TAF1: variants seen among roughly 807,000 people sequenced by gnomAD.
TAF1 encodes transcription initiation factor TFIID subunit 1.
A neutral mutation model predicts 138.5 loss-of-function variants in TAF1; 2 were observed. The observed-to-expected ratio is 0.01, with a 90% CI of 0.01 to 0.05. The LOEUF (loss-of-function observed/expected upper bound fraction) is 0.05, where lower values mean the gene tolerates loss of function less well. Ranked by LOEUF, TAF1 falls within the 10% of genes least tolerant of loss-of-function variation. The pLI is 1.00. For missense variants in TAF1, 709 were observed against 1,478.0 expected (o/e 0.48, Z 8.53); for synonymous variants, 437 against 503.2 (o/e 0.87, Z 1.76).
chrX:71,443,993 T>C (rs893818960), intron 32 of TAF1, among the ~76,000 whole-genome samples: 1 of 109,020 alleles, frequency 9.2e-6, no homozygotes, highest in Non-Finnish European at 1.9e-5. Flanking sequence ...TTACAGGCCA[T>C]GACCCACCAC....
intron 14 of TAF1, among the ~76,000 whole-genome samples, chrX:71,385,788 C>T (rs2034180845): frequency 2.7e-5 from 3 of 111,972 alleles, no homozygotes; most frequent in Admixed American, 1.9e-4. Flanking sequence ...TATTGTTCTT[C>T]TCCTTTCCCT....
chrX:71,366,573 G>A, intron 1 of TAF1, 79 bp downstream of exon 1: 2 of 997,909 alleles, frequency 2.0e-6, no homozygotes, highest in South Asian at 4.8e-5. Flanking sequence ...AAAGGAGAGG[G>A]TGCTCAGGCA....
rs1357158328 is a variant in TAF1 at position 71,424,228 on chromosome X, T to G, written c.4743T>G (p.Val1581=). 1.7e-6 allele frequency: 2 copies of G among 1,197,524 alleles called. No homozygotes were observed. Residue 1581 remains valine, a synonymous_variant, in exon 32 of 38, where the codon GTT becomes GTG. Transcript: ENST00000423759. ...TAAACCTTATTCTGGCCAACAGTGT[T>G]AAGTATAATGGTGGGTATTTCTCAT... ...DDVNLILANS[V]KYNGPESQYT... is the part of the protein sequence containing the mutation.
intron 32 of TAF1, among the ~76,000 whole-genome samples, chrX:71,450,158 T>G (rs2037889516): frequency 1.8e-5 from 2 of 111,609 alleles, no homozygotes. Context: ...TTTACATATT[T>G]TAAAGAATAA....
At chrX:71,486,390 G>A (rs2039171808) in intron 13 of TAF1, among the ~76,000 whole-genome samples, 1 of 110,046 alleles carries the variant, frequency 9.1e-6, no homozygotes, top group Non-Finnish European at 1.9e-5. Context: ...ACAGGATCTT[G>A]CTCTGTCACC....
At position 71,486,471 on chromosome X, in the gene TAF1, C is replaced by T. The variant is rs147741306; in HGVS notation, c.1366+25668C>T. Among the ~76,000 whole-genome samples the T allele has an allele frequency of 2.4e-4, 26 of 110,215 alleles. No homozygotes were observed. The East Asian group carries it at 7.4e-3, about 31-fold the overall frequency. ...CTCCTGGGCTCAAGCAATCCTCCCA[C>T]CCCAGTCCCAGTAGCTGGGACTACA... On this transcript the variant is annotated intron_variant and NMD_transcript_variant, in intron 13 of 14. Coordinates refer to the TAF1 transcript ENST00000373775.
intron 35 of TAF1, chrX:71,459,029 C>A: frequency 2.5e-6 from 1 of 396,303 alleles, no homozygotes. Context: ...TAAACAGCCC[C>A]CACTAGCAGT....
intron 13 of TAF1, among the ~76,000 whole-genome samples, chrX:71,501,091 C>G (rs1214332962): frequency 2.7e-5 from 3 of 109,317 alleles, no homozygotes; most frequent in Non-Finnish European, 5.7e-5. Context: ...GATGTTATGC[C>G]CCAAAAATGA....
At chrX:71,522,707 A>C (rs1325727335) in intron 13 of TAF1, among the ~76,000 whole-genome samples, 4 of 38,983 alleles carry the variant, frequency 1.0e-4, no homozygotes, top group Admixed American at 3.5e-4. Flanking sequence ...TGTCCTAGTA[A>C]GGCTTGACAA....
chrX:71,514,121 G>A (rs1158694495), intron 13 of TAF1, among the ~76,000 whole-genome samples: 2 of 111,494 alleles, frequency 1.8e-5, no homozygotes, highest in Non-Finnish European at 3.8e-5. Flanking sequence ...AACACTCACC[G>A]TGAAGGTCCA....
chrX:71,405,439 C>T (rs777442972), intron 25 of TAF1, among the ~76,000 whole-genome samples: 1 of 111,900 alleles, frequency 8.9e-6, no homozygotes, highest in Non-Finnish European at 1.9e-5. Context: ...CAACCTCTGC[C>T]TCCTGGGTTC....
chrX:71,369,190 T>C (rs1385358011), intron 3 of TAF1, among the ~76,000 whole-genome samples: 1 of 110,534 alleles, frequency 9.0e-6, no homozygotes, highest in Non-Finnish European at 1.9e-5. Context: ...AGAGAAGGGG[T>C]TTCACCATGT....
At position 71,503,097 on chromosome X, in the gene TAF1, G is replaced by A. The variant is rs183841496; in HGVS notation, c.1367-25445G>A. On this transcript the variant is annotated intron_variant and NMD_transcript_variant, in intron 13 of 14. Coordinates refer to the TAF1 transcript ENST00000373775. ...ACCAGCCTGGCCAACATGGCGAAAC[G>A]CTGTTTCTACTAAAAATACAAAAAT... Among the ~76,000 whole-genome samples, 543 of 106,746 alleles carry A rather than the reference G, an allele frequency of 5.1e-3. 4 individuals are homozygous for A. The highest frequency in any genetic ancestry group is 0.018 in the African/African-American group (528 of 29,383). The allele number at this position is 106,746 out of a possible 115,157, so 92.7% of individuals were successfully genotyped here. A position where few individuals can be genotyped will look rare whatever the true frequency, so the allele number is the denominator to read the frequency against.
intron 3 of TAF1, among the ~76,000 whole-genome samples, chrX:71,369,287 C>T (rs757711982): frequency 5.2e-4 from 58 of 111,469 alleles, no homozygotes; most frequent in Admixed American, 3.0e-3. Flanking sequence ...TGTGAGCCAC[C>T]GCACCCTGCC....
At chrX:71,371,795 G>T (rs2033076935) in intron 3 of TAF1, among the ~76,000 whole-genome samples, 1 of 111,706 alleles carries the variant, frequency 9.0e-6, no homozygotes, top group African/African-American at 3.3e-5. Context: ...CTGAGGCTTG[G>T]ATTTCTCATT....
At chrX:71,419,065 C>T (rs1247502157) in intron 28 of TAF1, among the ~76,000 whole-genome samples, 2 of 111,630 alleles carry the variant, frequency 1.8e-5, no homozygotes, top group South Asian at 7.3e-4. Flanking sequence ...CCACGCCCAG[C>T]CCAGAGATTC....
intron 23 of TAF1, 134 bp from the exon 24 acceptor site, chrX:71,398,438 G>C (rs1450549842): frequency 1.2e-6 from 1 of 818,653 alleles, no homozygotes; most frequent in Non-Finnish European, 1.7e-6. Flanking sequence ...AGATGGGAAT[G>C]GCATGTAGCC....
chrX:71,383,938 T>G (rs2034054212), intron 12 of TAF1, 24 bp from the exon 13 acceptor site: 5 of 1,198,531 alleles, frequency 4.2e-6, no homozygotes, highest in Non-Finnish European at 5.6e-6. Flanking sequence ...AGGAGCTAGA[T>G]GGTATTTTCT....
Position 71,519,664 on chromosome X carries a change from AT to A in TAF1, c.1367-8877del, listed in dbSNP as rs199957500. Reference sequence around the variant, plus strand: ...TCTCAAAAAAATAAAAATAAAAAAAATAAAAACAAATAAAAAGGATGTTTAT... The same window carrying A: ...TCTCAAAAAAATAAAAATAAAAAAAAAAAAACAAATAAAAAGGATGTTTAT... On this transcript the variant is annotated intron_variant and NMD_transcript_variant, in intron 13 of 14. Coordinates refer to the TAF1 transcript ENST00000373775. Among the ~76,000 whole-genome samples, 54 of 111,549 alleles carry A rather than the reference AT, an allele frequency of 4.8e-4. No homozygotes were observed. The East Asian group carries it at 0.013, about 27-fold the overall frequency.
Sources: gnomAD v4.1 joint callset for allele counts (sites outside exome capture counted in the v4.1 genomes callset) on GRCh38, gnomAD v4.1.1 for gene constraint, MANE v1.5 for transcripts, NCBI Gene and HGNC (gene_info 2026-07-23, HGNC 2026-07-21) for gene names.